Variants in DIP2C observed in about 807,000 individuals in gnomAD.
The protein encoded by DIP2C is DIP2 acetate--CoA ligase C (putative).
In DIP2C, 33 loss-of-function variants were observed where a neutral mutation model predicts 192.4. That is an observed-to-expected ratio of 0.17 (90% CI 0.13 to 0.23). The LOEUF (loss-of-function observed/expected upper bound fraction) is 0.23. Ranked by LOEUF, DIP2C falls within the 10% of genes least tolerant of loss-of-function variation. The probability of loss-of-function intolerance (pLI) is 1.00; values close to 1 mark genes in which losing one functional copy is unlikely to be tolerated. For missense variants in DIP2C, 1,537 were observed against 2,110.1 expected, an observed-to-expected ratio of 0.73 and a Z score of 5.32; for synonymous variants, 979 against 864.1, an observed-to-expected ratio of 1.13 and a Z score of -2.33.
At chr10:557,706 G>GC (rs1848959577) in intron 1 of DIP2C, among the ~76,000 whole-genome samples, 2 of 51,358 alleles carry the variant, frequency 3.9e-5, no homozygotes, top group East Asian at 6.7e-4. Flanking sequence ...GGGGGCGGGG[G>GC]AGGGGATGGG....
At chr10:282,130 A>G (rs17158845) in intron 35 of DIP2C, 9,665 of 155,854 alleles carry the variant, frequency 0.062, 318 homozygotes, top group East Asian at 0.11. Context: ...GTAGACAGAG[A>G]TAAGTATTTT....
At chr10:581,285 C>A (rs768383023) in intron 1 of DIP2C, among the ~76,000 whole-genome samples, 1 of 152,174 alleles carries the variant, frequency 6.6e-6, no homozygotes, top group South Asian at 2.1e-4. Context: ...AAAGTTAATA[C>A]ATCCACACCC....
chr10:510,058 C>T (rs1845904573), intron 1 of DIP2C, among the ~76,000 whole-genome samples: 1 of 152,236 alleles, frequency 6.6e-6, no homozygotes, highest in South Asian at 2.1e-4. Context: ...CAAGGTCCCA[C>T]TTTAACATTC....
In DIP2C at chr10:363,560, C is replaced by T. The variant is rs1959797263; in HGVS notation, c.2478-249G>A. ...AGGCCACACACAGCACCCGCGGGCTCTGGTGACCAGGTTGCGCCTTTCGGT... is the reference window on the plus strand; with the variant it reads ...AGGCCACACACAGCACCCGCGGGCTTTGGTGACCAGGTTGCGCCTTTCGGT... On this transcript the variant is annotated intron_variant, in intron 20 of 36. Coordinates refer to ENST00000280886, the MANE Select transcript of DIP2C (RefSeq NM_014974.3). The surrounding 1 kb of genome is among the most constrained non-coding windows in gnomAD (Gnocchi z 5.4). Among the ~76,000 whole-genome samples, 1 of 152,208 alleles carries T rather than the reference C, an allele frequency of 6.6e-6. No homozygotes were observed. Among genetic ancestry groups the T allele is most frequent in the African/African-American group, 2.4e-5 (1 of 41,452 alleles).
At chr10:553,433 C>T (rs555711239) in intron 1 of DIP2C, among the ~76,000 whole-genome samples, 1 of 152,340 alleles carries the variant, frequency 6.6e-6, no homozygotes, top group South Asian at 2.1e-4. Context: ...CCATTTGCTG[C>T]ACTCCCACAA....
chr10:490,585 C>A (rs1400254897), intron 1 of DIP2C, among the ~76,000 whole-genome samples: 1 of 152,202 alleles, frequency 6.6e-6, no homozygotes, highest in East Asian at 1.9e-4. Context: ...ACCACAGGAG[C>A]CCCTGCCAGA....
At chr10:661,895 G>A (rs1056513032) in intron 1 of DIP2C, 22 of 615,130 alleles carry the variant, frequency 3.6e-5, no homozygotes, top group South Asian at 1.1e-4. Flanking sequence ...GCACAACGCC[G>A]ACCTCAGGGT....
At chr10:471,067 T>TA (rs1970588657) in intron 3 of DIP2C, among the ~76,000 whole-genome samples, 1 of 152,024 alleles carries the variant, frequency 6.6e-6, no homozygotes, top group Non-Finnish European at 1.5e-5. Context: ...AAGGTCTCAA[T>TA]ATGTGTCGGG....
chr10:583,193 C>G (rs1206507803), intron 1 of DIP2C, among the ~76,000 whole-genome samples: 1 of 152,232 alleles, frequency 6.6e-6, no homozygotes, highest in African/African-American at 2.4e-5. Context: ...GAACGTTGTA[C>G]TCCAAGTGCA....
intron 36 of DIP2C, among the ~76,000 whole-genome samples, chr10:280,230 T>C (rs1324700197): frequency 6.6e-6 from 1 of 152,186 alleles, no homozygotes; most frequent in East Asian, 1.9e-4. Flanking sequence ...CAAATGGCAG[T>C]AAGTACCAGC....
chr10:293,491 T>C (rs181077594), intron 32 of DIP2C, among the ~76,000 whole-genome samples: 1 of 152,190 alleles, frequency 6.6e-6, no homozygotes, highest in Non-Finnish European at 1.5e-5. Context: ...ATACCCAATA[T>C]AATAAGACCA....
intron 2 of DIP2C, among the ~76,000 whole-genome samples, chr10:483,555 G>A (rs547055808): frequency 3.3e-4 from 51 of 152,326 alleles, no homozygotes; most frequent in East Asian, 1.9e-3. Context: ...CAGGCGGCCC[G>A]GGCCGTCCTT....
intron 1 of DIP2C, among the ~76,000 whole-genome samples, chr10:688,847 A>G (rs1237124313): frequency 6.6e-6 from 1 of 152,150 alleles, no homozygotes; most frequent in African/African-American, 2.4e-5. Context: ...GGGGAGGTTG[A>G]CGATTCCGCC....
At chr10:583,743 G>GAAAC (rs1221080416) in intron 1 of DIP2C, among the ~76,000 whole-genome samples, 5 of 152,180 alleles carry the variant, frequency 3.3e-5, no homozygotes, top group Non-Finnish European at 7.3e-5. Flanking sequence ...ACCCGATGCA[G>GAAAC]AAACAGGTAT....
At chr10:502,226 G>A (rs1208247616) in intron 1 of DIP2C, among the ~76,000 whole-genome samples, 1 of 152,100 alleles carries the variant, frequency 6.6e-6, no homozygotes, top group Non-Finnish European at 1.5e-5. Context: ...ATCATTTACT[G>A]GTCAATGCAC....
At chr10:347,304 A>C (rs1958527105) in intron 26 of DIP2C, among the ~76,000 whole-genome samples, 1 of 109,414 alleles carries the variant, frequency 9.1e-6, no homozygotes, top group African/African-American at 3.9e-5. Context: ...CCCCACACTC[A>C]CCCAACCCAG....
chr10:290,802 G>A (rs574628181), intron 32 of DIP2C, among the ~76,000 whole-genome samples: 1 of 152,294 alleles, frequency 6.6e-6, no homozygotes, highest in South Asian at 2.1e-4. Context: ...CAAAACCGAG[G>A]GCTGTTTAGG....
intron 1 of DIP2C, among the ~76,000 whole-genome samples, chr10:522,181 G>A (rs972909100): frequency 3.3e-5 from 5 of 152,112 alleles, no homozygotes; most frequent in African/African-American, 1.2e-4. Context: ...GACTCAGACA[G>A]CAGGCAGCCT....
At chr10:327,654 C>CT (rs1297713132) in intron 30 of DIP2C, among the ~76,000 whole-genome samples, 1 of 152,194 alleles carries the variant, frequency 6.6e-6, no homozygotes, top group Non-Finnish European at 1.5e-5. Flanking sequence ...ACCTTGTGGT[C>CT]TCCCAAGTAG....
Sources: gnomAD v4.1 joint callset for allele counts (sites outside exome capture counted in the v4.1 genomes callset) on GRCh38, gnomAD v4.1.1 for gene constraint, Gnocchi (gnomAD v3.1) non-coding constraint, MANE v1.5 for transcripts, NCBI Gene and HGNC (gene_info 2026-07-23, HGNC 2026-07-21) for gene names.